SLC8A1: variants seen among roughly 807,000 people sequenced by gnomAD.
SLC8A1 encodes sodium/calcium exchanger 1.
In SLC8A1, 18 loss-of-function variants were observed where a neutral mutation model predicts 68.3. The observed-to-expected ratio is 0.26, with a 90% CI of 0.18 to 0.39. The LOEUF is 0.39. Ranked by LOEUF, SLC8A1 falls within the 10% of genes least tolerant of loss-of-function variation. The probability of loss-of-function intolerance (pLI) is 1.00; values close to 1 mark genes in which losing one functional copy is unlikely to be tolerated. For synonymous variants in SLC8A1, 475 were observed against 415.5 expected (o/e 1.14, Z -1.74); for missense variants, 985 against 1,156.7 (o/e 0.85, Z 2.15).
At chr2:40,358,432 G>A (rs1673448126) in intron 2 of SLC8A1, among the ~76,000 whole-genome samples, 1 of 152,094 alleles carries the variant, frequency 6.6e-6, no homozygotes, top group African/African-American at 2.4e-5. Context: ...AACATAAAAG[G>A]CAGTGAATAT....
At chr2:40,355,453 C>T (rs533116725) in intron 2 of SLC8A1, among the ~76,000 whole-genome samples, 38 of 152,194 alleles carry the variant, frequency 2.5e-4, no homozygotes, top group Non-Finnish European at 4.0e-4. Flanking sequence ...TGGTCCATTT[C>T]AAGGGCACTG....
intron 2 of SLC8A1, among the ~76,000 whole-genome samples, chr2:40,388,531 G>A (rs1684313094): frequency 2.0e-5 from 3 of 152,064 alleles, no homozygotes; most frequent in Admixed American, 2.0e-4. Flanking sequence ...TGATGAGAGT[G>A]GACCAAAGAA....
At chr2:40,493,802 G>A (rs1434461843) in intron 1 of SLC8A1, among the ~76,000 whole-genome samples, 1 of 151,870 alleles carries the variant, frequency 6.6e-6, no homozygotes, top group East Asian at 1.9e-4. Context: ...TTAGAGGCGT[G>A]TGCCACCATC....
chr2:40,130,067 G>C (rs1011425237), intron 7 of SLC8A1, among the ~76,000 whole-genome samples: 2 of 152,136 alleles, frequency 1.3e-5, no homozygotes, highest in African/African-American at 4.8e-5. Flanking sequence ...ATGCAGTACT[G>C]CCCTTTGAGA....
chr2:40,129,786 G>T (rs977454668), intron 7 of SLC8A1, among the ~76,000 whole-genome samples: 2 of 152,126 alleles, frequency 1.3e-5, no homozygotes, highest in Non-Finnish European at 2.9e-5. Flanking sequence ...TCTACCAAGT[G>T]CCCTTGCTCT....
At chr2:40,350,693 T>A (rs539660722) in intron 2 of SLC8A1, among the ~76,000 whole-genome samples, 1 of 150,130 alleles carries the variant, frequency 6.7e-6, no homozygotes, top group South Asian at 2.1e-4. Context: ...TATAAGTATA[T>A]CTTTTATTGT....
At chr2:40,501,941 C>A (rs1706083624) in intron 1 of SLC8A1, among the ~76,000 whole-genome samples, 1 of 151,978 alleles carries the variant, frequency 6.6e-6, no homozygotes, top group South Asian at 2.1e-4. Flanking sequence ...GTACTCTGCA[C>A]CCTCAATCAA....
upstream of SLC8A1, among the ~76,000 whole-genome samples, chr2:40,454,190 G>T (rs1702852304): frequency 6.6e-6 from 1 of 152,158 alleles, no homozygotes; most frequent in East Asian, 1.9e-4. Flanking sequence ...GAGAAAAGTG[G>T]CTGCCTTCTA....
chr2:40,300,990 G>A (rs1490763029), intron 2 of SLC8A1, among the ~76,000 whole-genome samples: 1 of 152,114 alleles, frequency 6.6e-6, no homozygotes, highest in Non-Finnish European at 1.5e-5. Context: ...ATTTCAAGGT[G>A]AAAAGAGGTA....
exon 2 of SLC8A1, chr2:40,430,168 T>C (rs1440308785): frequency 6.2e-7 from 1 of 1,613,828 alleles, no homozygotes; most frequent in Admixed American, 1.7e-5. Context: ...TCCTTCCATT[T>C]CTGTCTCAGC....
At chr2:40,216,842 TGG>T (rs2057568013) in intron 2 of SLC8A1, among the ~76,000 whole-genome samples, 1 of 152,214 alleles carries the variant, frequency 6.6e-6, no homozygotes, top group Non-Finnish European at 1.5e-5. Context: ...CACTTTTTGA[TGG>T]GGTTATTTTT....
chr2:40,110,375 T>C (rs2034486059), exon 8 of SLC8A1: 1 of 152,164 alleles, frequency 6.6e-6, no homozygotes, highest in African/African-American at 2.4e-5. Context: ...TTAGAAGTGG[T>C]GAGTACATAA....
intron 2 of SLC8A1, among the ~76,000 whole-genome samples, chr2:40,361,344 A>G (rs1316843587): frequency 6.6e-6 from 1 of 152,154 alleles, no homozygotes; most frequent in Admixed American, 6.6e-5. Context: ...GTGATATGTA[A>G]GAGGGCTTAT....
chr2:40,455,387 T>A (rs12998011), upstream of SLC8A1, among the ~76,000 whole-genome samples: 73,899 of 152,020 alleles, frequency 0.49, 18,752 homozygotes, highest in Middle Eastern at 0.55. Context: ...ATTACATAAA[T>A]CAGAGGTACC....
chr2:40,444,151 T>C (rs890495335), intron 1 of SLC8A1, among the ~76,000 whole-genome samples: 3 of 151,986 alleles, frequency 2.0e-5, no homozygotes, highest in African/African-American at 7.3e-5. Context: ...CTGGGCAACA[T>C]AGCAAGACCC....
chr2:40,337,278 T>C (rs1300423495), intron 2 of SLC8A1: 1 of 322,788 alleles, frequency 3.1e-6, no homozygotes, highest in Non-Finnish European at 7.0e-6. Context: ...TTTTCTTAGG[T>C]ATAAAATTTT....
chr2:40,115,670 T>C (rs781000410), intron 7 of SLC8A1, 41 bp from the exon 11 acceptor site: 1 of 1,573,024 alleles, frequency 6.4e-7, no homozygotes, highest in East Asian at 2.2e-5. Context: ...CTCAATCTTT[T>C]AGAGATGTCT....
At chr2:40,423,369 C>T (rs1696016149) in intron 2 of SLC8A1, among the ~76,000 whole-genome samples, 1 of 152,068 alleles carries the variant, frequency 6.6e-6, no homozygotes. Context: ...TCAGAATATA[C>T]ACCATCTCAT....
At chr2:40,322,143 A>G (rs776253156) in intron 2 of SLC8A1, among the ~76,000 whole-genome samples, 1 of 152,144 alleles carries the variant, frequency 6.6e-6, no homozygotes, top group Non-Finnish European at 1.5e-5. Flanking sequence ...AGAAAAGATT[A>G]TATCAGTAAT....
Sources: allele counts gnomAD v4.1 joint callset (sites outside exome capture counted in the v4.1 genomes callset), GRCh38; gene constraint gnomAD v4.1.1; transcripts MANE v1.5; gene names NCBI Gene and HGNC (gene_info 2026-07-23, HGNC 2026-07-21).